The following CYB561A3 variants were observed in gnomAD, a reference collection of about 807,000 sequenced individuals.
CYB561A3 encodes the protein lysosomal membrane ascorbate-dependent ferrireductase CYB561A3.
In CYB561A3, 16 loss-of-function variants were observed where a neutral mutation model predicts 25.3. The observed-to-expected ratio is 0.63, with a 90% CI of 0.43 to 0.96. CYB561A3 has a LOEUF of 0.96. CYB561A3 is among the 40% of genes least tolerant of loss of function. The pLI is 0.00. For synonymous variants in CYB561A3, 131 were observed against 129.9 expected (o/e 1.01, Z -0.06); for missense variants, 219 against 307.5 (o/e 0.71, Z 2.15).
chr11:61,362,042 C>G (rs530037192), upstream of CYB561A3: 1 of 152,352 alleles, frequency 6.6e-6, no homozygotes, highest in African/African-American at 2.4e-5. Context: ...GTTTCTTCTC[C>G]AAGTCCGAAG....
At chr11:61,356,195 T>G (rs141353550) in intron 3 of CYB561A3, 1 of 253,994 alleles carries the variant, frequency 3.9e-6, no homozygotes, top group African/African-American at 2.2e-5. Context: ...TCCACACTTG[T>G]GTGTATGTGT....
chr11:61,351,259 G>T, intron 5 of CYB561A3, 112 bp from the exon 6 acceptor site: 89 of 751,388 alleles, frequency 1.2e-4, no homozygotes, highest in Non-Finnish European at 1.4e-4. Flanking sequence ...GGGTCCATAT[G>T]TGATCTAGAA....
intron 3 of CYB561A3, chr11:61,354,865 C>CTTT (rs1225503619): frequency 8.5e-5 from 3 of 35,312 alleles, no homozygotes; most frequent in African/African-American, 1.1e-4. Context: ...CCTCTCCTTT[C>CTTT]TTTTTTTTTT....
In CYB561A3 at chr11:61,357,750, G is replaced by A. The variant is rs1170168848; in HGVS notation, c.-33C>T. The stretch of plus-strand genomic sequence containing the variant: ...CTGCTCACCTTTAGCCCTAATGATA[G>A]GCTCAGAGAACTGGCCTGGGCTCCA... On this transcript the variant is annotated 5_prime_UTR_variant, in exon 2 of 7. Transcript: ENST00000294072. 6.5e-6 allele frequency: 1 copy of A among 154,616 alleles called. No individual in the cohort carries two copies. The highest frequency in any genetic ancestry group is 1.9e-4 in the East Asian group (1 of 5,194). 9.6% of individuals were successfully genotyped at this position (154,616 alleles called of 1,614,324 possible). A position where few individuals can be genotyped will look rare whatever the true frequency, so the allele number is the denominator to read the frequency against.
rs750128159 is a variant in CYB561A3 at position 61,353,903 on chromosome 11, C to T, written c.274G>A (p.Val92Ile). Residue 92 changes from valine (V) to isoleucine (I), a missense_variant, in exon 4 of 7, where the codon GTC becomes ATC. Val to Ile is a conservative substitution (Grantham distance 29). Transcript: ENST00000294072. ...GCAACCAGCCCCACAACAGTGAGGA[C>T]GAAGGCCATCAGGTGCAGCGCTGCA... ...LHAALHLMAF[V>I]LTVVGLVAVF... is the part of the protein sequence containing the mutation. The T allele has an allele frequency of 1.4e-5, 22 of 1,614,030 alleles. No homozygotes were observed. Among genetic ancestry groups the T allele is most frequent in the East Asian group, 1.1e-4 (5 of 44,890 alleles).
At chr11:61,360,284 G>C (rs1441079082) in intron 1 of CYB561A3, 1 of 152,258 alleles carries the variant, frequency 6.6e-6, no homozygotes. Context: ...CAATGCAAAT[G>C]CTTGAAAATA....
intron 2 of CYB561A3, chr11:61,357,194 C>T (rs1297350028): frequency 6.4e-7 from 1 of 1,551,496 alleles, no homozygotes; most frequent in Non-Finnish European, 8.7e-7. Flanking sequence ...GCAAACACCC[C>T]ACTATTACCC....
chr11:61,351,075 C>A lies in CYB561A3; in HGVS notation c.621G>T (p.Val207=), dbSNP rs1057231211. 1 of 1,613,978 alleles carries A rather than the reference C, an allele frequency of 6.2e-7. No homozygotes were observed. Among genetic ancestry groups the A allele is most frequent in the Non-Finnish European group, 8.5e-7 (1 of 1,179,982 alleles). The change falls in exon 6 of 7, where the codon GTG becomes GTT. Residue 207 remains valine (V), a synonymous_variant. Transcript: ENST00000294072. ...AGAGCACCAGCAGCCCAAAGGCCAC[C>A]ACCAGCATCCCGGTGCTGTTGGCAA... is the stretch of plus-strand genomic sequence containing the variant. ...AVFANSTGML[V]VAFGLLVLYI...
rs1565068616 is a variant in CYB561A3, at chr11:61,353,989, GAC to G, written c.186_187del (p.Ser63ThrfsTer113). 6.2e-7 allele frequency: 1 copy of G among 1,614,102 alleles called. No homozygotes were observed. The highest frequency in any genetic ancestry group is 1.1e-5 in the South Asian group (1 of 91,078). On this transcript the variant is annotated frameshift_variant and splice_region_variant, in exon 4 of 7. Transcript: ENST00000294072. LOFTEE classifies it high-confidence loss of function. ...CGACTGGGGCAGGCGGTACACCAGT[GAC>G]GCTGCAGGAGAGAGTAGTGCCAGGG... is the stretch of plus-strand genomic sequence containing the variant.
chr11:61,350,948 C>A lies in CYB561A3; in HGVS notation c.705+43G>T, dbSNP rs1422223024. The A allele has an allele frequency of 3.2e-6, 5 of 1,585,160 alleles. No homozygotes were observed. The African/African-American group carries it at 6.8e-5, about 21-fold the overall frequency. The stretch of plus-strand genomic sequence containing the variant: ...CTTTCGTGGGAGATCCTTCTCTAGA[C>A]CTGGCCCTGTCCCACCCTGGAATGT... On this transcript the variant is annotated intron_variant, in intron 6 of 6. Transcript: ENST00000294072.
At position 61,353,168 on chromosome 11, in the gene CYB561A3, C is replaced by A. The variant is rs559004752; in HGVS notation, c.394-29G>T. 1.2e-5 allele frequency: 19 copies of A among 1,576,194 alleles called. No individual in the cohort carries two copies. In the East Asian group the frequency reaches 2.7e-4, roughly 22 times the overall value. On this transcript the variant is annotated intron_variant, in intron 4 of 6. Transcript: ENST00000294072. ...TGGACAAAAGGGAGGACACACCCGACTGTGCTATGTGTGACCAAAGCACAT... is the reference window on the plus strand; with the variant it reads ...TGGACAAAAGGGAGGACACACCCGAATGTGCTATGTGTGACCAAAGCACAT...
Position 61,350,356 on chromosome 11 carries a change from AGGC to A in CYB561A3, c.*40_*42del. On this transcript the variant is annotated 3_prime_UTR_variant, in exon 7 of 7. Transcript: ENST00000294072. The stretch of plus-strand genomic sequence containing the variant: ...AGAGCAGAGCTTCTGAGGGGAGCAC[AGGC>A]TGCACCACCAGGAGCTCTTGGGAGC... 6.2e-7 allele frequency: 1 copy of A among 1,600,056 alleles called. No homozygotes were observed. Among genetic ancestry groups the A allele is most frequent in the African/African-American group, 1.3e-5 (1 of 74,982 alleles).
In CYB561A3 at chr11:61,350,177, G is replaced by A. The variant is rs113025505; in HGVS notation, c.*222C>T. ...CAAGGAAAGCAGACAGGCAGCAAGC[G>A]GCCGGAGAGGGCAGGCCCAGCACCC... On this transcript the variant is annotated 3_prime_UTR_variant, in exon 7 of 7. Coordinates refer to ENST00000294072, the MANE Select transcript of CYB561A3 (RefSeq NM_153611.6). The A allele has an allele frequency of 1.5e-5, 9 of 594,248 alleles. No individual in the cohort carries two copies. The highest frequency in any genetic ancestry group is 2.4e-5 in the Non-Finnish European group (8 of 339,324). 36.8% of individuals were successfully genotyped at this position (594,248 alleles called of 1,614,324 possible). A position where few individuals can be genotyped will look rare whatever the true frequency, so the allele number is the denominator to read the frequency against.
chr11:61,353,161 C>T (rs776933415), intron 4 of CYB561A3, 22 bp from the exon 5 acceptor site: 10 of 1,583,844 alleles, frequency 6.3e-6, no homozygotes, highest in Non-Finnish European at 7.7e-6. Context: ...AGGGAGGACA[C>T]ACCCGACTGT....
At chr11:61,354,954 C>T (rs1160526173) in intron 3 of CYB561A3, among the ~76,000 whole-genome samples, 4 of 151,570 alleles carry the variant, frequency 2.6e-5, no homozygotes, top group Non-Finnish European at 4.4e-5. Flanking sequence ...CTGCAAGCTC[C>T]GCCTCCCGGG....
At chr11:61,350,956 T>C in intron 6 of CYB561A3, 35 bp downstream of exon 6, 1 of 1,594,584 alleles carries the variant, frequency 6.3e-7, no homozygotes, top group South Asian at 1.1e-5. Context: ...GACCTGGCCC[T>C]GTCCCACCCT....
At chr11:61,353,592 T>A in intron 4 of CYB561A3, 192 bp downstream of exon 4, 1 of 742,284 alleles carries the variant, frequency 1.3e-6, no homozygotes, top group Non-Finnish European at 2.4e-6. Flanking sequence ...ATGGGAGGGA[T>A]AAAAGGAACA....
chr11:61,361,010 C>T (rs1344258732), intron 1 of CYB561A3: 1 of 151,746 alleles, frequency 6.6e-6, no homozygotes, highest in Non-Finnish European at 1.5e-5. Flanking sequence ...AAGAAAAAGG[C>T]TCTACTCCAA....
intron 6 of CYB561A3, 43 bp from the exon 7 acceptor site, chr11:61,350,465 AG>A: frequency 6.2e-7 from 1 of 1,607,200 alleles, no homozygotes; most frequent in Non-Finnish European, 8.5e-7. Flanking sequence ...GACATGATGC[AG>A]GAGTCACACC....
Sources: gnomAD v4.1 joint callset for allele counts (sites outside exome capture counted in the v4.1 genomes callset) on GRCh38, gnomAD v4.1.1 for gene constraint, MANE v1.5 for transcripts, NCBI Gene and HGNC (gene_info 2026-07-23, HGNC 2026-07-21) for gene names.